The following WDTC1 variants were observed in gnomAD, a reference collection of about 807,000 sequenced individuals.
WDTC1 encodes WD and tetratricopeptide repeats protein 1.
WDTC1 carries 12 observed loss-of-function variants against 76.0 expected under a neutral mutation model. The observed-to-expected ratio is 0.16, with a 90% confidence interval of 0.10 to 0.26. WDTC1 has a LOEUF of 0.26. Ranked by LOEUF, WDTC1 falls within the 10% of genes least tolerant of loss-of-function variation. WDTC1 has a pLI of 1.00. For synonymous variants in WDTC1, 326 were observed against 350.8 expected, an observed-to-expected ratio of 0.93 and a Z score of 0.79; for missense variants, 511 against 908.8, an observed-to-expected ratio of 0.56 and a Z score of 5.63.
At chr1:27,249,057 C>CAGTAG (rs2011947234) in intron 1 of WDTC1, among the ~76,000 whole-genome samples, 1 of 152,140 alleles carries the variant, frequency 6.6e-6, no homozygotes, top group Non-Finnish European at 1.5e-5. Context: ...CACTTGAGGC[C>CAGTAG]AGTAGCTCAA....
intron 1 of WDTC1, among the ~76,000 whole-genome samples, chr1:27,251,033 ATTTTTTTTTTTTTTTTTTTTTT>A (rs71584875): frequency 1.0e-4 from 3 of 28,648 alleles, no homozygotes; most frequent in Admixed American, 5.8e-4. Context: ...CTCCTGGCTA[ATTTTTTTTTTTTTTTTTTTTTT>A]TTTTTTTTTT....
At chr1:27,254,491 T>C (rs1409663416) in intron 1 of WDTC1, among the ~76,000 whole-genome samples, 1 of 151,932 alleles carries the variant, frequency 6.6e-6, no homozygotes, top group African/African-American at 2.4e-5. Context: ...CTCAGCTACT[T>C]GGGAGGCTGA....
intron 1 of WDTC1, among the ~76,000 whole-genome samples, chr1:27,241,287 A>G (rs1161329007): frequency 6.6e-6 from 1 of 152,150 alleles, no homozygotes; most frequent in Non-Finnish European, 1.5e-5. Flanking sequence ...GACCTTGCCC[A>G]GGGAGCTCTC....
chr1:27,273,206 C>CTTTTTTTTTTT (rs57130485), intron 3 of WDTC1, among the ~76,000 whole-genome samples: 91 of 103,644 alleles, frequency 8.8e-4, no homozygotes, highest in African/African-American at 1.6e-3. Flanking sequence ...TTTTTCTTTT[C>CTTTTTTTTTTT]TTTTTTTTTT....
At chr1:27,304,021 CA>C (rs1285136685) in intron 14 of WDTC1, 6 of 525,900 alleles carry the variant, frequency 1.1e-5, no homozygotes, top group Non-Finnish European at 1.6e-5. Context: ...TAAGATAACC[CA>C]AGTAGAGCCT....
At chr1:27,284,308 G>A (rs1200771006) in intron 5 of WDTC1, among the ~76,000 whole-genome samples, 1 of 152,148 alleles carries the variant, frequency 6.6e-6, no homozygotes, top group Non-Finnish European at 1.5e-5. Flanking sequence ...TGGAAGAAAT[G>A]GCCTGCAAGG....
chr1:27,240,981 A>AAC (rs2011614393), intron 1 of WDTC1, among the ~76,000 whole-genome samples: 2 of 151,530 alleles, frequency 1.3e-5, no homozygotes, highest in East Asian at 1.9e-4. Flanking sequence ...TCAAAAAAAA[A>AAC]AAACAAAAAA....
At position 27,297,360 on chromosome 1, in the gene WDTC1, CTG is replaced by C. The variant is rs527784882; in HGVS notation, c.1058+206_1058+207del. 2.6e-4 allele frequency among the ~76,000 whole-genome samples: 40 copies of C among 152,340 alleles called. No homozygotes were observed. The East Asian group carries it at 3.9e-3, about 15-fold the overall frequency. ...TGGCAGAACACTAGTCATGGTCAGACTGTAGCTCTAGCCTGTTGGTACCAGTA... is the reference window on the plus strand; with the variant it reads ...TGGCAGAACACTAGTCATGGTCAGACTAGCTCTAGCCTGTTGGTACCAGTA... On this transcript the variant is annotated intron_variant, in intron 11 of 15. Coordinates refer to ENST00000319394, the MANE Select transcript of WDTC1 (RefSeq NM_001276252.2).
chr1:27,247,305 C>T (rs1309717100), intron 1 of WDTC1, among the ~76,000 whole-genome samples: 1 of 152,142 alleles, frequency 6.6e-6, no homozygotes, highest in Non-Finnish European at 1.5e-5. Context: ...GATCCACCTG[C>T]CTCAGCCTCC....
chr1:27,297,146 G>C lies in WDTC1; in HGVS notation c.1048G>C (p.Gly350Arg), dbSNP rs2013716169. 1 of 1,606,378 alleles carries C rather than the reference G, an allele frequency of 6.2e-7. No homozygotes were observed. The highest frequency in any genetic ancestry group is 1.7e-5 in the Admixed American group (1 of 58,072). The change falls in exon 11 of 16, where the codon GGA becomes CGA. Residue 350 changes from glycine (G) to arginine (R), a missense_variant. By Grantham distance (125) the Gly-to-Arg change is moderately radical. Coordinates refer to ENST00000319394, the MANE Select transcript of WDTC1 (RefSeq NM_001276252.2). Reference protein sequence around the residue: ...SNGFRLPESRGHVSPQVELPP... With the variant: ...SNGFRLPESRRHVSPQVELPP... ...TGGCTTCCGGCTGCCGGAGAGTAGG[G>C]GACATGTCAGGTGAGGCCAGCTGGC...
chr1:27,303,472 C>A lies in WDTC1; in HGVS notation c.1469-149C>A. ...TAGATCCAAAGATGCATCTTCCTCA[C>A]AACCTTTCCCCAGTTTTCCAGGATA... On this transcript the variant is annotated intron_variant, in intron 13 of 15. Transcript: ENST00000319394. The surrounding 1 kb of genome is among the most constrained non-coding windows in gnomAD (Gnocchi z 4.8). The A allele has an allele frequency of 9.8e-7, 1 of 1,019,340 alleles. No homozygotes were observed. Among genetic ancestry groups the A allele is most frequent in the Non-Finnish European group, 1.4e-6 (1 of 736,090 alleles). 63.1% of individuals were successfully genotyped at this position (1,019,340 alleles called of 1,614,324 possible).
rs772926166 is a variant in WDTC1, at chr1:27,296,374, T to C, written c.922T>C (p.Leu308=). 1.9e-6 allele frequency: 3 copies of C among 1,614,114 alleles called. No individual in the cohort carries two copies. The highest frequency in any genetic ancestry group is 1.7e-6 in the Non-Finnish European group (2 of 1,180,016). The change falls in exon 10 of 16, where the codon TTG becomes CTG. Residue 308 remains leucine, a synonymous_variant. Transcript: ENST00000319394. Reference sequence around the variant, plus strand: ...CAAGCAGCGGCCGTACACCTTCCTCTTGCCTAGAAAATGCCACTCCTCGGG... The same window carrying C: ...CAAGCAGCGGCCGTACACCTTCCTCCTGCCTAGAAAATGCCACTCCTCGGG... ...TYKQRPYTFL[L]PRKCHSSGEV... is the part of the protein sequence containing the mutation.
chr1:27,239,836 C>A (rs1024880943), intron 1 of WDTC1, among the ~76,000 whole-genome samples: 4 of 147,880 alleles, frequency 2.7e-5, no homozygotes, highest in East Asian at 4.0e-4. Flanking sequence ...ACCAAAAAAA[C>A]CCAAAAAAAC....
intron 1 of WDTC1, among the ~76,000 whole-genome samples, chr1:27,255,127 G>T (rs2012233680): frequency 6.6e-6 from 1 of 151,976 alleles, no homozygotes; most frequent in South Asian, 2.1e-4. Context: ...TCTTAGTATG[G>T]CTACTATGTG....
At chr1:27,302,726 G>A (rs2013863264) in intron 13 of WDTC1, among the ~76,000 whole-genome samples, 1 of 151,496 alleles carries the variant, frequency 6.6e-6, no homozygotes, top group African/African-American at 2.4e-5. Context: ...GGGTGACAGA[G>A]CAAAATCCTG....
chr1:27,296,710 C>G (rs2013695909), intron 10 of WDTC1, among the ~76,000 whole-genome samples: 1 of 151,626 alleles, frequency 6.6e-6, no homozygotes, highest in Admixed American at 6.6e-5. Flanking sequence ...TTGATTTCTT[C>G]CTGGGGCCTA....
chr1:27,278,858 C>T (rs1473596936), intron 3 of WDTC1, among the ~76,000 whole-genome samples: 4 of 152,156 alleles, frequency 2.6e-5, no homozygotes, highest in African/African-American at 9.7e-5. Flanking sequence ...AATCCCAGCA[C>T]TTTGGGAGGC....
At chr1:27,289,058 G>A (rs1277057793) in intron 6 of WDTC1, among the ~76,000 whole-genome samples, 19 of 147,208 alleles carry the variant, frequency 1.3e-4, no homozygotes, top group Non-Finnish European at 2.6e-4. Context: ...CCTCCCGGAC[G>A]GGGCGGCTGG....
At chr1:27,257,293 C>T (rs180762565) in intron 1 of WDTC1, among the ~76,000 whole-genome samples, 21 of 152,232 alleles carry the variant, frequency 1.4e-4, no homozygotes, top group Non-Finnish European at 8.8e-5. Context: ...GAGCCTTTTT[C>T]GGGTGAAGCG....
Sources: allele counts gnomAD v4.1 joint callset (sites outside exome capture counted in the v4.1 genomes callset), GRCh38; gene constraint gnomAD v4.1.1; non-coding constraint Gnocchi (gnomAD v3.1); transcripts MANE v1.5; gene names NCBI Gene and HGNC (gene_info 2026-07-23, HGNC 2026-07-21).